Variants in KCNQ1 observed in about 807,000 individuals in gnomAD.
KCNQ1 encodes potassium voltage-gated channel subfamily KQT member 1.
KCNQ1 carries 49 observed loss-of-function variants against 72.4 expected under a neutral mutation model. The observed-to-expected ratio is 0.68, with a 90% CI of 0.54 to 0.86. The LOEUF (loss-of-function observed/expected upper bound fraction) is 0.86. Ranked by LOEUF, KCNQ1 falls within the 40% of genes least tolerant of loss-of-function variation. The probability of loss-of-function intolerance (pLI) is 0.00; values close to 1 mark genes in which losing one functional copy is unlikely to be tolerated. For missense variants in KCNQ1, 790 were observed against 945.1 expected, an observed-to-expected ratio of 0.84 and a Z score of 2.15; for synonymous variants, 450 against 412.6, an observed-to-expected ratio of 1.09 and a Z score of -1.10.
chr11:2,651,739 TC>T lies in KCNQ1; in HGVS notation c.1394-10221del, dbSNP rs1315248255. On this transcript the variant is annotated intron_variant, in intron 10 of 15. Coordinates refer to ENST00000155840, the MANE Select transcript of KCNQ1 (RefSeq NM_000218.3). This position sits in a 1 kb window ranked among gnomAD's most constrained non-coding sequence, Gnocchi z 6.1. ...GCATCATCCTCATTTCTATACGTTTTCTCTGATTACTGGAAATTCCTCAAGT... is the reference window on the plus strand; with the variant it reads ...GCATCATCCTCATTTCTATACGTTTTTCTGATTACTGGAAATTCCTCAAGT... The T allele has an allele frequency of 7.5e-6, 3 of 398,550 alleles. No homozygotes were observed. Among genetic ancestry groups the T allele is most frequent in the Non-Finnish European group, 1.3e-5 (3 of 226,100 alleles). 24.7% of individuals were successfully genotyped at this position (398,550 alleles called of 1,614,324 possible). A position where few individuals can be genotyped will look rare whatever the true frequency, so the allele number is the denominator to read the frequency against.
chr11:2,775,415 C>G (rs550981011), intron 12 of KCNQ1, among the ~76,000 whole-genome samples: 22 of 152,354 alleles, frequency 1.4e-4, no homozygotes, highest in African/African-American at 5.1e-4. Flanking sequence ...CAGGCTAAGG[C>G]CGTCATCTGG....
chr11:2,718,298 G>A (rs1334344563), intron 11 of KCNQ1, among the ~76,000 whole-genome samples: 2 of 152,138 alleles, frequency 1.3e-5, no homozygotes, highest in African/African-American at 2.4e-5. Context: ...CACTTAGGGT[G>A]CCTCACCACA....
rs544955145 is a variant in KCNQ1 at position 2,813,420 on chromosome 11, C to T, written c.1795-34347C>T. Among the ~76,000 whole-genome samples, 107 of 147,984 alleles carry T rather than the reference C, an allele frequency of 7.2e-4. No individual in the cohort carries two copies. Among genetic ancestry groups the T allele is most frequent in the Middle Eastern group, 3.5e-3 (1 of 286 alleles). On this transcript the variant is annotated intron_variant, in intron 15 of 15. Transcript: ENST00000155840. The surrounding 1 kb of genome is among the most constrained non-coding windows in gnomAD (Gnocchi z 4.4). Reference sequence around the variant, plus strand: ...TTTTTCACCCCCAAACCCGCCTGCCCGTCAGTGCTTAGAGCAAATGCCCCT... The same window carrying T: ...TTTTTCACCCCCAAACCCGCCTGCCTGTCAGTGCTTAGAGCAAATGCCCCT...
At chr11:2,701,203 G>C (rs1850807694) in intron 11 of KCNQ1, among the ~76,000 whole-genome samples, 2 of 152,168 alleles carry the variant, frequency 1.3e-5, no homozygotes, top group Admixed American at 6.5e-5. Flanking sequence ...CTCTCTCCAA[G>C]GGTGACCGGG....
chr11:2,665,734 C>T lies in KCNQ1; in HGVS notation c.1514+3653C>T, dbSNP rs1380808673. The T allele has an allele frequency of 1.5e-5, 6 of 398,558 alleles. No homozygotes were observed. In the East Asian group the frequency reaches 2.1e-4, roughly 14 times the overall value. The allele number at this position is 398,558 out of a possible 1,614,324, so 24.7% of individuals were successfully genotyped here. ...CCTCTTGGTCTCTTCCTCCCCAGAACCCCCAAAGCCCCAGGCATGGAGAAG... is the reference window on the plus strand; with the variant it reads ...CCTCTTGGTCTCTTCCTCCCCAGAATCCCCAAAGCCCCAGGCATGGAGAAG... On this transcript the variant is annotated intron_variant, in intron 11 of 15. Coordinates refer to ENST00000155840, the MANE Select transcript of KCNQ1 (RefSeq NM_000218.3).
chr11:2,502,930 G>A (rs538669128), intron 1 of KCNQ1, among the ~76,000 whole-genome samples: 24 of 152,276 alleles, frequency 1.6e-4, no homozygotes, highest in Non-Finnish European at 2.6e-4. Context: ...AACATGCATT[G>A]GGAAATGGAC....
At chr11:2,453,588 A>AGG (rs1846145117) in intron 1 of KCNQ1, among the ~76,000 whole-genome samples, 1 of 152,192 alleles carries the variant, frequency 6.6e-6, no homozygotes, top group Non-Finnish European at 1.5e-5. Context: ...TCCTGGCGAG[A>AGG]GGGGTGTCGA....
chr11:2,587,756 C>T (rs1589968757), intron 9 of KCNQ1, 64 bp downstream of exon 9: 1 of 1,607,710 alleles, frequency 6.2e-7, no homozygotes, highest in East Asian at 2.2e-5. Flanking sequence ...GCCGTGGGGG[C>T]CGCAGCACGA....
chr11:2,528,291 G>C (rs1847546011), intron 2 of KCNQ1, among the ~76,000 whole-genome samples: 1 of 152,198 alleles, frequency 6.6e-6, no homozygotes, highest in Non-Finnish European at 1.5e-5. Context: ...TCCAGGCTGG[G>C]CTGGAAGGAA....
intron 10 of KCNQ1, chr11:2,636,264 GT>G (rs1849462962): frequency 6.6e-6 from 1 of 152,092 alleles, no homozygotes; most frequent in Non-Finnish European, 1.5e-5. Flanking sequence ...TCTTGTGCCA[GT>G]TTTCAAAGGG....
rs368320515 is a variant in KCNQ1 at position 2,545,288 on chromosome 11, G to A, written c.477+17270G>A. Among the ~76,000 whole-genome samples the A allele has an allele frequency of 9.2e-5, 14 of 152,284 alleles. 2 individuals are homozygous for A. In the South Asian group the frequency reaches 1.0e-3, roughly 11 times the overall value. ...TGGTATTAGAGTAATGCTGGCATGAGGAGTGAGTTGGGAAGTGTTCTCTCT... is the reference window on the plus strand; with the variant it reads ...TGGTATTAGAGTAATGCTGGCATGAAGAGTGAGTTGGGAAGTGTTCTCTCT... On this transcript the variant is annotated intron_variant, in intron 2 of 15. Transcript: ENST00000155840.
At chr11:2,630,809 G>C in intron 10 of KCNQ1, 1 of 398,460 alleles carries the variant, frequency 2.5e-6, no homozygotes. Context: ...ACCTGAGGAA[G>C]TCTTGTATCT....
intron 15 of KCNQ1, among the ~76,000 whole-genome samples, chr11:2,836,047 G>A (rs1241263488): frequency 2.0e-5 from 3 of 152,010 alleles, no homozygotes; most frequent in African/African-American, 4.8e-5. Flanking sequence ...TCCCAAGGAC[G>A]CACCACCATG....
intron 11 of KCNQ1, chr11:2,685,097 G>C (rs231355): frequency 0.6 from 241,005 of 398,524 alleles, 77,824 homozygotes; most frequent in East Asian, 0.99. Context: ...CAGGGAAGGG[G>C]CCCTTTTGGC....
chr11:2,632,778 A>G (rs1849382053), intron 10 of KCNQ1: 4 of 398,322 alleles, frequency 1.0e-5, no homozygotes, highest in Admixed American at 8.8e-5. Flanking sequence ...ACTGAATAAT[A>G]TTCCATTGTG....
rs76182938 is a variant in KCNQ1 at position 2,642,334 on chromosome 11, G to A, written c.1394-19627G>A. The A allele has an allele frequency of 0.014, 5,537 of 398,082 alleles. 154 individuals carry two copies. The highest frequency in any genetic ancestry group is 0.078 in the East Asian group (2,197 of 28,018). The allele number at this position is 398,082 out of a possible 1,614,324, so 24.7% of individuals were successfully genotyped here. A position where few individuals can be genotyped will look rare whatever the true frequency, so the allele number is the denominator to read the frequency against. On this transcript the variant is annotated intron_variant, in intron 10 of 15. Transcript: ENST00000155840. This position sits in a 1 kb window ranked among gnomAD's most constrained non-coding sequence, Gnocchi z 4.3. ...CTTGTTAGAGGTTTCTCACCTCTTT[G>A]GTTAAACTCATTCCTAGATTTTTTG...
chr11:2,762,067 C>A lies in KCNQ1; in HGVS notation c.1515-6777C>A, dbSNP rs962942654. ...GTGACAGCCAGTGGTAGACCCTTCA[C>A]GGTCAGGCACCTATGACTCCCCGTT... On this transcript the variant is annotated intron_variant, in intron 11 of 15. Transcript: ENST00000155840. The surrounding 1 kb of genome is among the most constrained non-coding windows in gnomAD (Gnocchi z 4.3). Among the ~76,000 whole-genome samples, 2 of 152,208 alleles carry A rather than the reference C, an allele frequency of 1.3e-5. No homozygotes were observed. The highest frequency in any genetic ancestry group is 4.8e-5 in the African/African-American group (2 of 41,438).
Position 2,655,180 on chromosome 11 carries a change from G to T in KCNQ1, c.1394-6781G>T, listed in dbSNP as rs1849823450. Reference sequence around the variant, plus strand: ...GTTTGATTCCTGTTCTCTTGAGAGGGTGAGACTTGGCAGCCAGCGTCCCCA... The same window carrying T: ...GTTTGATTCCTGTTCTCTTGAGAGGTTGAGACTTGGCAGCCAGCGTCCCCA... On this transcript the variant is annotated intron_variant, in intron 10 of 15. Transcript: ENST00000155840. 3 of 398,516 alleles carry T rather than the reference G, an allele frequency of 7.5e-6. No individual in the cohort carries two copies. In the South Asian group the frequency reaches 3.8e-4, roughly 51 times the overall value. 24.7% of individuals were successfully genotyped at this position (398,516 alleles called of 1,614,324 possible).
rs571336142 is a variant in KCNQ1 at position 2,827,440 on chromosome 11, G to C, written c.1795-20327G>C. On this transcript the variant is annotated intron_variant, in intron 15 of 15. Transcript: ENST00000155840. The surrounding 1 kb of genome is among the most constrained non-coding windows in gnomAD (Gnocchi z 6.7). ...TCTGCATTCCAGCAGCAGGAGGGAG[G>C]TAAAAGACATGAAGGACAGGCCCCA... Among the ~76,000 whole-genome samples, 3 of 152,210 alleles carry C rather than the reference G, an allele frequency of 2.0e-5. No homozygotes were observed. The highest frequency in any genetic ancestry group is 7.2e-5 in the African/African-American group (3 of 41,504).
Sources: gnomAD v4.1 joint callset for allele counts (sites outside exome capture counted in the v4.1 genomes callset) on GRCh38, gnomAD v4.1.1 for gene constraint, Gnocchi (gnomAD v3.1) non-coding constraint, MANE v1.5 for transcripts, NCBI Gene and HGNC (gene_info 2026-07-23, HGNC 2026-07-21) for gene names.